Variants in UGP2 observed in about 807,000 individuals in gnomAD.
UGP2 encodes the protein UTP--glucose-1-phosphate uridylyltransferase.
A neutral mutation model predicts 49.0 loss-of-function variants in UGP2; 40 were observed. The ratio of observed to expected loss-of-function variants is 0.82; its 90% confidence interval spans 0.63 to 1.06. The LOEUF is 1.06. Ranked by LOEUF, UGP2 falls within the 50% of genes least tolerant of loss-of-function variation. The pLI is 0.00. For missense variants in UGP2, 460 were observed against 603.5 expected, an observed-to-expected ratio of 0.76 and a Z score of 2.49; for synonymous variants, 225 against 213.0, an observed-to-expected ratio of 1.06 and a Z score of -0.49.
Position 63,886,372 on chromosome 2 carries a change from TGA to T in UGP2, c.908_909del (p.Arg303ThrfsTer25). The T allele has an allele frequency of 6.2e-7, 1 of 1,614,160 alleles. No homozygotes were observed. Among genetic ancestry groups the T allele is most frequent in the Non-Finnish European group, 8.5e-7 (1 of 1,179,968 alleles). On this transcript the variant is annotated frameshift_variant, in exon 7 of 10. Coordinates refer to ENST00000337130, the MANE Select transcript of UGP2 (RefSeq NM_006759.4). LOFTEE classifies it high-confidence loss of function. ...ACACTCACTCAATATGAAGGCAAAC[TGA>T]GACTGGTGGAAATTGCTCAAGTGCC...
At chr2:63,858,526 A>G (rs1344969297) in intron 3 of UGP2, among the ~76,000 whole-genome samples, 2 of 146,766 alleles carry the variant, frequency 1.4e-5, no homozygotes, top group Admixed American at 1.3e-4. Context: ...TTCTCACTAT[A>G]AAAAAAAAAG....
chr2:63,873,639 G>T (rs1670714312), intron 3 of UGP2, among the ~76,000 whole-genome samples: 1 of 152,056 alleles, frequency 6.6e-6, no homozygotes, highest in Admixed American at 6.6e-5. Flanking sequence ...AGAGGAAAAA[G>T]CGCAAGGCCT....
chr2:63,846,242 G>A (rs1193016556), intron 1 of UGP2: 1 of 152,180 alleles, frequency 6.6e-6, no homozygotes, highest in Non-Finnish European at 1.5e-5. Context: ...GGTACCAGGG[G>A]CGGGGGTCAT....
intron 1 of UGP2, among the ~76,000 whole-genome samples, chr2:63,844,196 C>G (rs950380961): frequency 1.3e-5 from 2 of 152,118 alleles, no homozygotes; most frequent in Non-Finnish European, 2.9e-5. Context: ...CAGTGTGAGC[C>G]CTCTATATGT....
intron 1 of UGP2, among the ~76,000 whole-genome samples, chr2:63,847,942 A>C (rs6546032): frequency 0.85 from 128,753 of 152,240 alleles, 54,570 homozygotes; most frequent in East Asian, 0.92. Flanking sequence ...GAAAGTTAGC[A>C]ATATTAATTA....
At chr2:63,883,024 A>C (rs1367826756) in intron 4 of UGP2, among the ~76,000 whole-genome samples, 1 of 152,184 alleles carries the variant, frequency 6.6e-6, no homozygotes, top group African/African-American at 2.4e-5. Context: ...GCTGCAGGTC[A>C]TGCATGCTAA....
At chr2:63,856,706 G>A in intron 2 of UGP2, 2 of 497,938 alleles carry the variant, frequency 4.0e-6, no homozygotes, top group South Asian at 1.6e-5. Context: ...GTGTTTTGAT[G>A]TCATTGGGTG....
intron 1 of UGP2, among the ~76,000 whole-genome samples, chr2:63,849,279 CTCT>C (rs1381213086): frequency 1.3e-5 from 2 of 152,210 alleles, no homozygotes; most frequent in African/African-American, 4.8e-5. Context: ...TTGACAGTAG[CTCT>C]TCTTGCTCCT....
At position 63,857,920 on chromosome 2, in the gene UGP2, G is replaced by A; in HGVS notation, c.239G>A (p.Arg80Lys). 1 of 1,613,860 alleles carries A rather than the reference G, an allele frequency of 6.2e-7. No homozygotes were observed. Among genetic ancestry groups the A allele is most frequent in the Admixed American group, 1.7e-5 (1 of 59,962 alleles). ...TCTGTGGATTGGGGAAAAATCCAGAGACCCCCTGAAGATTCGGTAAGTTTT... is the reference window on the plus strand; with the variant it reads ...TCTGTGGATTGGGGAAAAATCCAGAAACCCCCTGAAGATTCGGTAAGTTTT... ...GPSVDWGKIQ[R>K]PPEDSIQPYE... The change falls in exon 3 of 10, where the codon AGA (arginine) becomes AAA (lysine). Residue 80 changes from arginine to lysine, a missense_variant. Arg to Lys is a conservative substitution (Grantham distance 26). Around this residue, in one of 2 missense-constraint regions of UGP2, gnomAD observed 143 missense variants for 130.4 expected, o/e 1.10. Coordinates refer to ENST00000337130, the MANE Select transcript of UGP2 (RefSeq NM_006759.4).
chr2:63,863,807 T>C (rs183263561), intron 3 of UGP2, among the ~76,000 whole-genome samples: 3 of 152,250 alleles, frequency 2.0e-5, no homozygotes, highest in East Asian at 1.9e-4. Flanking sequence ...AGTGAAAATA[T>C]ATGAAAGATA....
chr2:63,846,737 C>A (rs1671962312), intron 1 of UGP2, among the ~76,000 whole-genome samples: 2 of 152,184 alleles, frequency 1.3e-5, no homozygotes, highest in South Asian at 4.1e-4. Flanking sequence ...GGGCCTGGTT[C>A]TTCTCAAATC....
intron 8 of UGP2, 62 bp downstream of exon 8, chr2:63,887,706 T>C: frequency 4.4e-6 from 7 of 1,581,120 alleles, no homozygotes; most frequent in East Asian, 2.2e-5. Flanking sequence ...AAAGATATGA[T>C]ATACATGTGA....
intron 1 of UGP2, among the ~76,000 whole-genome samples, chr2:63,847,660 G>T (rs1009814765): frequency 2.6e-5 from 4 of 152,184 alleles, no homozygotes; most frequent in Non-Finnish European, 5.9e-5. Context: ...GGGCAGGAGT[G>T]GGGGTCACAA....
chr2:63,853,658 CAGTGTCAG>C (rs1360138394), intron 1 of UGP2, among the ~76,000 whole-genome samples: 1 of 152,072 alleles, frequency 6.6e-6, no homozygotes. Flanking sequence ...TTGTTTGCGC[CAGTGTCAG>C]GGTGTCAGGG....
chr2:63,883,854 G>T, intron 4 of UGP2, 106 bp from the exon 5 acceptor site: 2 of 1,404,962 alleles, frequency 1.4e-6, no homozygotes, highest in South Asian at 2.8e-5. Context: ...GCTACGTACA[G>T]ATGATGTTTT....
Position 63,882,595 on chromosome 2 carries a change from C to CT in UGP2, c.386dup (p.Ile130AspfsTer6), listed in dbSNP as rs765663215. 3.7e-6 allele frequency: 6 copies of CT among 1,609,508 alleles called. No homozygotes were observed. Among genetic ancestry groups the CT allele is most frequent in the Admixed American group, 1.7e-5 (1 of 59,884 alleles). ...CATGGGCTGCAAAGGCCCTAAAAGT[C>CT]TGATTGGTGTGAGGAATGAGAATAC... On this transcript the variant is annotated frameshift_variant, in exon 4 of 10. Transcript: ENST00000337130. LOFTEE classifies it high-confidence loss of function.
chr2:63,884,040 A>G lies in UGP2; in HGVS notation c.522A>G (p.Ile174Met). ...SFNTDEDTKK[I>M]LQKYNHCRVK... The stretch of plus-strand genomic sequence containing the variant: ...ACACGGATGAAGATACCAAAAAAAT[A>G]CTACAGAAGTACAATCATTGTCGTG... The change falls in exon 5 of 10, where the codon ATA (isoleucine) becomes ATG (methionine). Residue 174 changes from isoleucine to methionine, a missense_variant. Coordinates refer to ENST00000337130, the MANE Select transcript of UGP2 (RefSeq NM_006759.4). The G allele has an allele frequency of 6.2e-7, 1 of 1,613,612 alleles. No individual in the cohort carries two copies. The highest frequency in any genetic ancestry group is 8.5e-7 in the Non-Finnish European group (1 of 1,179,916).
intron 3 of UGP2, among the ~76,000 whole-genome samples, chr2:63,879,522 T>C (rs1351170429): frequency 6.6e-6 from 1 of 152,218 alleles, no homozygotes. Context: ...TTCCTGATAT[T>C]GTAATGACAA....
At chr2:63,887,722 A>C in intron 8 of UGP2, 78 bp downstream of exon 8, 1 of 1,554,816 alleles carries the variant, frequency 6.4e-7, no homozygotes, top group African/African-American at 1.4e-5. Context: ...TGTGAATTGG[A>C]GACTAATTAC....
Sources: allele counts gnomAD v4.1 joint callset (sites outside exome capture counted in the v4.1 genomes callset), GRCh38; gene constraint gnomAD v4.1.1; regional missense constraint gnomAD v4.1.1; transcripts MANE v1.5; gene names NCBI Gene and HGNC (gene_info 2026-07-23, HGNC 2026-07-21).